R3HDM2: variants seen among roughly 807,000 people sequenced by gnomAD.
R3HDM2 encodes R3H domain containing 2.
Under a neutral mutation model 124.5 loss-of-function variants are expected in R3HDM2, and 38 were observed. That is an observed-to-expected ratio of 0.31 (90% CI 0.24 to 0.40). The LOEUF is 0.40. R3HDM2 is among the 10% of genes least tolerant of loss of function. The pLI, the probability that R3HDM2 is intolerant of heterozygous loss-of-function variation, is 1.00. For synonymous variants in R3HDM2, 391 were observed against 448.0 expected (o/e 0.87, Z 1.61); for missense variants, 869 against 1,236.9 (o/e 0.70, Z 4.46).
intron 2 of R3HDM2, among the ~76,000 whole-genome samples, chr12:57,372,117 T>C (rs769300504): frequency 3.9e-5 from 6 of 152,252 alleles, no homozygotes; most frequent in South Asian, 4.1e-4. Context: ...TCCACCCACC[T>C]TGGACTCTCA....
intron 1 of R3HDM2, among the ~76,000 whole-genome samples, chr12:57,415,613 C>A (rs1194963553): frequency 1.4e-5 from 2 of 147,874 alleles, no homozygotes; most frequent in South Asian, 4.2e-4. Flanking sequence ...GATTCCTTTA[C>A]AATGAAGAAA....
chr12:57,392,864 G>A (rs1167568658), intron 2 of R3HDM2, among the ~76,000 whole-genome samples: 3 of 150,430 alleles, frequency 2.0e-5, no homozygotes, highest in Non-Finnish European at 4.4e-5. Flanking sequence ...GAGTGCAGTG[G>A]CACGATTTTG....
At chr12:57,317,316 C>T (rs1274463733) in intron 2 of R3HDM2, among the ~76,000 whole-genome samples, 1 of 151,654 alleles carries the variant, frequency 6.6e-6, no homozygotes, top group Non-Finnish European at 1.5e-5. Flanking sequence ...TCCTGAGTAG[C>T]TGGGATTACA....
At chr12:57,423,375 C>G (rs1440603865) in intron 1 of R3HDM2, among the ~76,000 whole-genome samples, 1 of 149,102 alleles carries the variant, frequency 6.7e-6, no homozygotes, top group South Asian at 2.1e-4. Flanking sequence ...AGTGAGTCGA[C>G]ATCATGCCAC....
At chr12:57,404,750 T>C (rs2068372203) in intron 1 of R3HDM2, among the ~76,000 whole-genome samples, 1 of 152,098 alleles carries the variant, frequency 6.6e-6, no homozygotes, top group Non-Finnish European at 1.5e-5. Context: ...TCAGCCATGT[T>C]GGCTCACACC....
At chr12:57,257,878 T>C (rs1157957016) in intron 21 of R3HDM2, 112 bp downstream of exon 21, 2 of 1,182,122 alleles carry the variant, frequency 1.7e-6, no homozygotes, top group Admixed American at 3.2e-5. Context: ...ACTCCCAGAA[T>C]TGGATCATCT....
chr12:57,337,913 G>A (rs2059068146), intron 2 of R3HDM2, among the ~76,000 whole-genome samples: 1 of 152,156 alleles, frequency 6.6e-6, no homozygotes, highest in Non-Finnish European at 1.5e-5. Flanking sequence ...TTTAACAAAT[G>A]CTAAAAATTT....
intron 2 of R3HDM2, among the ~76,000 whole-genome samples, chr12:57,371,618 CTTGAT>C (rs1405672075): frequency 1.3e-5 from 2 of 152,072 alleles, no homozygotes. Flanking sequence ...TAAAATGAAT[CTTGAT>C]TTAACATTGT....
chr12:57,364,824 G>C lies in R3HDM2; in HGVS notation c.-36+30925C>G, dbSNP rs191042493. ...AAAAATTAGCCGGGCGTGGTGGCAG[G>C]CGCCTGTAGTTGCAGCTATTTGGGA... On this transcript the variant is annotated intron_variant, in intron 2 of 23. Coordinates refer to ENST00000402412, the MANE Select transcript of R3HDM2 (RefSeq NM_001394031.1). Among the ~76,000 whole-genome samples, 219 of 151,660 alleles carry C rather than the reference G, an allele frequency of 1.4e-3. 1 individual carries two copies. The highest frequency in any genetic ancestry group is 2.9e-3 in the Non-Finnish European group (194 of 67,896).
chr12:57,392,476 CA>C (rs2066842615), intron 2 of R3HDM2, among the ~76,000 whole-genome samples: 1 of 152,128 alleles, frequency 6.6e-6, no homozygotes, highest in African/African-American at 2.4e-5. Context: ...AGGCTGAGTT[CA>C]GGGGGTAATG....
At chr12:57,349,379 C>CAAAAA (rs1161831845) in intron 2 of R3HDM2, among the ~76,000 whole-genome samples, 446 of 57,676 alleles carry the variant, frequency 7.7e-3, no homozygotes, top group African/African-American at 9.8e-3. Flanking sequence ...ACTCCGTCTC[C>CAAAAA]AAAAAAAAAA....
chr12:57,310,540 G>A (rs761586244), intron 2 of R3HDM2, 77 bp from the exon 3 acceptor site: 23 of 764,240 alleles, frequency 3.0e-5, no homozygotes, highest in Middle Eastern at 4.3e-4. Flanking sequence ...TATTTCACAC[G>A]GGTACATTTT....
intron 22 of R3HDM2, 78 bp downstream of exon 22, chr12:57,256,336 C>A: frequency 8.1e-7 from 1 of 1,229,856 alleles, no homozygotes; most frequent in Non-Finnish European, 1.1e-6. Flanking sequence ...GTATACCCAG[C>A]TGGTTGAAGC....
In R3HDM2 at chr12:57,310,037, G is replaced by A. The variant is rs142580676; in HGVS notation, c.165+227C>T. On this transcript the variant is annotated intron_variant, in intron 3 of 23. Transcript: ENST00000402412. ...GACCAGCCTGGGCAACATAGACCCT[G>A]TCTCTACAAAAAAATTTTTTTATAT... Among the ~76,000 whole-genome samples, 326 of 152,206 alleles carry A rather than the reference G, an allele frequency of 2.1e-3. 2 individuals carry two copies. The highest frequency in any genetic ancestry group is 2.9e-3 in the Non-Finnish European group (194 of 68,006).
chr12:57,429,801 A>AC (rs1869258737), intron 1 of R3HDM2, among the ~76,000 whole-genome samples: 1 of 151,112 alleles, frequency 6.6e-6, no homozygotes, highest in Non-Finnish European at 1.5e-5. Flanking sequence ...AACAACAACA[A>AC]AAAAAAGCAT....
At chr12:57,259,139 G>T in intron 19 of R3HDM2, 80 bp from the exon 20 acceptor site, 1 of 1,457,906 alleles carries the variant, frequency 6.9e-7, no homozygotes, top group Non-Finnish European at 9.3e-7. Flanking sequence ...TGGGAAAGCA[G>T]CAAATAAATC....
intron 2 of R3HDM2, among the ~76,000 whole-genome samples, chr12:57,382,878 T>G (rs920237589): frequency 7.9e-5 from 12 of 151,904 alleles, no homozygotes; most frequent in African/African-American, 1.9e-4. Flanking sequence ...TTTTTATTTA[T>G]TTATTTATTG....
At chr12:57,370,410 C>CG (rs1300331765) in intron 2 of R3HDM2, among the ~76,000 whole-genome samples, 1 of 67,082 alleles carries the variant, frequency 1.5e-5, no homozygotes, top group Non-Finnish European at 3.0e-5. Flanking sequence ...GGGGGGGGGG[C>CG]GGGGTGGATC....
chr12:57,368,962 T>C (rs553791998), intron 2 of R3HDM2, among the ~76,000 whole-genome samples: 2 of 152,298 alleles, frequency 1.3e-5, no homozygotes, highest in South Asian at 2.1e-4. Flanking sequence ...AATTTGTCTG[T>C]CATGGCTACG....
Sources: allele counts gnomAD v4.1 joint callset (sites outside exome capture counted in the v4.1 genomes callset), GRCh38; gene constraint gnomAD v4.1.1; transcripts MANE v1.5; gene names NCBI Gene and HGNC (gene_info 2026-07-23, HGNC 2026-07-21).